The following IL19 variants were observed in gnomAD, a reference collection of about 807,000 sequenced individuals.
IL19 encodes interleukin-19.
A neutral mutation model predicts 19.5 loss-of-function variants in IL19; 15 were observed. The ratio of observed to expected loss-of-function variants is 0.77; its 90% CI spans 0.52 to 1.19. The LOEUF (loss-of-function observed/expected upper bound fraction) is 1.19, where lower values mean the gene tolerates loss of function less well. Among genes scored for constraint, IL19 ranks in the 50% most tolerant of loss-of-function variants. The pLI is 0.00. For missense variants in IL19, 199 were observed against 213.1 expected (o/e 0.93, Z 0.41); for synonymous variants, 78 against 78.3 (o/e 1.00, Z 0.02).
intron 2 of IL19, among the ~76,000 whole-genome samples, chr1:206,806,831 C>A (rs1244042820): frequency 6.6e-6 from 1 of 152,196 alleles, no homozygotes; most frequent in African/African-American, 2.4e-5. Flanking sequence ...CTCAACCCTT[C>A]TAAGCCATTT....
At chr1:206,818,688 G>A (rs924987437) in intron 2 of IL19, among the ~76,000 whole-genome samples, 6 of 152,052 alleles carry the variant, frequency 3.9e-5, no homozygotes, top group Admixed American at 1.3e-4. Flanking sequence ...GTACACTTTC[G>A]TTACAATAAA....
intron 2 of IL19, among the ~76,000 whole-genome samples, chr1:206,810,797 G>A (rs1487388560): frequency 1.3e-5 from 2 of 152,176 alleles, no homozygotes; most frequent in Admixed American, 1.3e-4. Context: ...GAAGTGTTTG[G>A]GTCAGGGGGA....
At chr1:206,828,533 CT>C (rs1558620255) in intron 2 of IL19, among the ~76,000 whole-genome samples, 1 of 152,100 alleles carries the variant, frequency 6.6e-6, no homozygotes, top group Non-Finnish European at 1.5e-5. Flanking sequence ...GATTGGGATC[CT>C]CTTTTCTGGC....
chr1:206,781,759 G>C (rs1486019282), intron 1 of IL19, among the ~76,000 whole-genome samples: 3 of 151,184 alleles, frequency 2.0e-5, no homozygotes, highest in African/African-American at 7.3e-5. Context: ...CCCTAAGTCA[G>C]CTGTTGGCGA....
intron 2 of IL19, among the ~76,000 whole-genome samples, chr1:206,803,809 T>G (rs1041766798): frequency 3.3e-5 from 5 of 152,122 alleles, no homozygotes; most frequent in Admixed American, 6.5e-5. Context: ...AATCCTAAGC[T>G]TTAACAAATA....
chr1:206,812,038 C>G (rs1676027819), intron 2 of IL19, among the ~76,000 whole-genome samples: 1 of 152,146 alleles, frequency 6.6e-6, no homozygotes, highest in African/African-American at 2.4e-5. Flanking sequence ...ATGCTAATCC[C>G]CAGAAGCAGA....
chr1:206,816,061 C>T (rs780771880), intron 2 of IL19, among the ~76,000 whole-genome samples: 1 of 151,568 alleles, frequency 6.6e-6, no homozygotes, highest in Non-Finnish European at 1.5e-5. Context: ...AACAAAAAAA[C>T]CTGCCAGCCT....
intron 1 of IL19, among the ~76,000 whole-genome samples, chr1:206,774,696 C>G (rs1449246455): frequency 6.6e-6 from 1 of 152,186 alleles, no homozygotes; most frequent in Non-Finnish European, 1.5e-5. Flanking sequence ...GCTTTGAGCT[C>G]CCTGAAACAG....
intron 2 of IL19, among the ~76,000 whole-genome samples, chr1:206,832,389 T>A (rs539177600): frequency 1.3e-5 from 2 of 152,334 alleles, no homozygotes; most frequent in South Asian, 4.1e-4. Context: ...ATGCATTTCA[T>A]CCAGACTCTG....
At chr1:206,840,125 G>T in intron 5 of IL19, 123 bp downstream of exon 5, 1 of 1,096,134 alleles carries the variant, frequency 9.1e-7, no homozygotes, top group Non-Finnish European at 1.4e-6. Flanking sequence ...CTCTGCGCAC[G>T]TCCACAGGGA....
At chr1:206,824,134 C>A (rs1441466025) in intron 2 of IL19, among the ~76,000 whole-genome samples, 1 of 152,160 alleles carries the variant, frequency 6.6e-6, no homozygotes. Context: ...GGCTTGGGTC[C>A]CCTGGATGGA....
intron 2 of IL19, among the ~76,000 whole-genome samples, chr1:206,817,390 A>C (rs887031572): frequency 6.6e-6 from 1 of 152,344 alleles, no homozygotes. Flanking sequence ...TTTTCTTGTG[A>C]GTCAACTTGC....
chr1:206,805,264 C>T (rs1675820824), intron 2 of IL19, among the ~76,000 whole-genome samples: 1 of 152,120 alleles, frequency 6.6e-6, no homozygotes, highest in South Asian at 2.1e-4. Flanking sequence ...ATTTTAGTGC[C>T]AACTTGTGCA....
intron 2 of IL19, among the ~76,000 whole-genome samples, chr1:206,812,218 C>G (rs11119621): frequency 0.31 from 47,206 of 152,030 alleles, 7,659 homozygotes; most frequent in East Asian, 0.41. Context: ...CACAGGTCTG[C>G]GAATCAGGGG....
At chr1:206,811,753 TG>T (rs1676018560) in intron 2 of IL19, among the ~76,000 whole-genome samples, 1 of 152,172 alleles carries the variant, frequency 6.6e-6, no homozygotes, top group Non-Finnish European at 1.5e-5. Flanking sequence ...AGTAAGCCTC[TG>T]TTATGGTACA....
chr1:206,781,816 C>T (rs2102448486), intron 1 of IL19, among the ~76,000 whole-genome samples: 1 of 148,008 alleles, frequency 6.8e-6, no homozygotes, highest in East Asian at 2.0e-4. Context: ...TTATAGAGGA[C>T]CCCCAAAGAG....
chr1:206,800,664 A>G (rs1183066361), intron 2 of IL19, among the ~76,000 whole-genome samples: 1 of 152,204 alleles, frequency 6.6e-6, no homozygotes, highest in African/African-American at 2.4e-5. Context: ...GCCCTTCCAG[A>G]TGAAGTCATT....
chr1:206,838,695 TA>T (rs1676883382), intron 4 of IL19, among the ~76,000 whole-genome samples: 1 of 152,084 alleles, frequency 6.6e-6, no homozygotes, highest in Non-Finnish European at 1.5e-5. Context: ...TCATGTGGAA[TA>T]AGAAAAGGAG....
intron 2 of IL19, among the ~76,000 whole-genome samples, chr1:206,813,081 G>A (rs925104315): frequency 6.6e-6 from 1 of 152,178 alleles, no homozygotes; most frequent in African/African-American, 2.4e-5. Flanking sequence ...TCAAATTTTT[G>A]TGGAGCAGTG....
Sources: allele counts gnomAD v4.1 joint callset (sites outside exome capture counted in the v4.1 genomes callset), GRCh38; gene constraint gnomAD v4.1.1; transcripts MANE v1.5; gene names NCBI Gene and HGNC (gene_info 2026-07-23, HGNC 2026-07-21).